Variants in SPAG16 observed in about 807,000 individuals in gnomAD.
SPAG16 encodes the protein sperm-associated antigen 16 protein.
In SPAG16, 86 loss-of-function variants were observed where a neutral mutation model predicts 80.4. The ratio of observed to expected loss-of-function variants is 1.07; its 90% CI spans 0.90 to 1.28. The LOEUF (loss-of-function observed/expected upper bound fraction) is 1.28, where lower values mean the gene tolerates loss of function less well. Ranked by LOEUF, SPAG16 falls within the 50% of genes most tolerant of loss-of-function variation. The pLI, the probability that SPAG16 is intolerant of heterozygous loss-of-function variation, is 0.00. For synonymous variants in SPAG16, 294 were observed against 265.9 expected (o/e 1.11, Z -1.03); for missense variants, 870 against 765.3 (o/e 1.14, Z -1.61).
rs754185665 is a variant in SPAG16, at chr2:214,039,160, CA to C, written c.1527+25084del. On this transcript the variant is annotated intron_variant, in intron 13 of 15. Transcript: ENST00000331683. The stretch of plus-strand genomic sequence containing the variant: ...TTGAACTAGTTTACAGTCCCACCAA[CA>C]GTGTAAAAGTGTTCCTATTTCTCCA... Among the ~76,000 whole-genome samples the C allele has an allele frequency of 1.8e-4, 28 of 152,288 alleles. No homozygotes were observed. In the East Asian group the frequency reaches 5.2e-3, roughly 28 times the overall value.
intron 5 of SPAG16, among the ~76,000 whole-genome samples, chr2:213,328,994 C>T (rs534257506): frequency 6.6e-6 from 1 of 152,252 alleles, no homozygotes; most frequent in South Asian, 2.1e-4. Flanking sequence ...TGCACAAGCT[C>T]TCCTTTTTTT....
intron 14 of SPAG16, among the ~76,000 whole-genome samples, chr2:214,127,017 T>C (rs553706135): frequency 6.6e-6 from 1 of 151,958 alleles, no homozygotes; most frequent in African/African-American, 2.4e-5. Context: ...AAATATTTTT[T>C]CCCACAAGGG....
chr2:213,952,760 C>T (rs1575635121), intron 12 of SPAG16, among the ~76,000 whole-genome samples: 1 of 151,964 alleles, frequency 6.6e-6, no homozygotes, highest in Admixed American at 6.6e-5. Context: ...TCGTAGATCC[C>T]CTTAAGGATA....
intron 13 of SPAG16, among the ~76,000 whole-genome samples, chr2:214,042,855 T>G (rs775999518): frequency 6.6e-6 from 1 of 152,186 alleles, no homozygotes; most frequent in Non-Finnish European, 1.5e-5. Flanking sequence ...GAAGTTTTGA[T>G]GAAATATAGC....
chr2:213,783,317 T>A (rs1281482655), intron 10 of SPAG16, among the ~76,000 whole-genome samples: 7 of 145,948 alleles, frequency 4.8e-5, no homozygotes, highest in African/African-American at 7.6e-5. Flanking sequence ...TAGAGTATAA[T>A]AAAAAAAAAA....
chr2:213,404,578 A>C (rs2068508593), intron 9 of SPAG16, among the ~76,000 whole-genome samples: 1 of 152,158 alleles, frequency 6.6e-6, no homozygotes, highest in South Asian at 2.1e-4. Context: ...TAAAGACTTA[A>C]ATGTTAGACC....
chr2:213,425,389 C>G (rs920984860), intron 9 of SPAG16, among the ~76,000 whole-genome samples: 3 of 151,912 alleles, frequency 2.0e-5, no homozygotes, highest in African/African-American at 7.3e-5. Flanking sequence ...GTGGCTCATG[C>G]CTGTAATCCC....
intron 10 of SPAG16, among the ~76,000 whole-genome samples, chr2:213,778,854 G>T (rs1365715271): frequency 2.6e-5 from 4 of 152,082 alleles, no homozygotes; most frequent in African/African-American, 9.7e-5. Flanking sequence ...TTCCATGTCT[G>T]CAGTGATTCT....
chr2:213,907,458 A>G (rs2077475533), intron 11 of SPAG16, among the ~76,000 whole-genome samples: 1 of 143,948 alleles, frequency 6.9e-6, no homozygotes, highest in South Asian at 2.5e-4. Context: ...ATTTTGGAAA[A>G]CAGCGTGGAG....
At position 213,728,876 on chromosome 2, in the gene SPAG16, C is replaced by CAAAAAAAAA; in HGVS notation, c.1071-133572_1071-133564dup. Among the ~76,000 whole-genome samples, 88 of 58,458 alleles carry CAAAAAAAAA rather than the reference C, an allele frequency of 1.5e-3. 5 individuals are homozygous for CAAAAAAAAA. Among genetic ancestry groups the CAAAAAAAAA allele is most frequent in the African/African-American group, 2.3e-3 (27 of 11,992 alleles). 38.4% of individuals were successfully genotyped at this position (58,458 alleles called of 152,430 possible). On this transcript the variant is annotated intron_variant, in intron 10 of 15. Transcript: ENST00000331683. ...TGGGCGACAGAGTGAGACTCCGTCT[C>CAAAAAAAAA]AAAAAAAAAAAAAAAAAAAAAAAAA...
At chr2:213,301,663 C>G (rs2062744883) in intron 3 of SPAG16, among the ~76,000 whole-genome samples, 1 of 152,140 alleles carries the variant, frequency 6.6e-6, no homozygotes, top group South Asian at 2.1e-4. Context: ...ATGCTTCCTT[C>G]TATTCCCACC....
intron 10 of SPAG16, among the ~76,000 whole-genome samples, chr2:213,851,401 G>C (rs886296411): frequency 6.6e-6 from 1 of 152,124 alleles, no homozygotes; most frequent in African/African-American, 2.4e-5. Context: ...TCAGCTACTT[G>C]AGAGTCCGAG....
chr2:214,311,167 G>A (rs372497749), intron 15 of SPAG16, among the ~76,000 whole-genome samples: 2 of 152,080 alleles, frequency 1.3e-5, no homozygotes, highest in East Asian at 1.9e-4. Context: ...CCTCTGTTCC[G>A]AGGAGCGCTT....
intron 8 of SPAG16, 27 bp from the exon 9 acceptor site, chr2:213,374,983 T>C: frequency 1.3e-6 from 2 of 1,507,128 alleles, no homozygotes; most frequent in Non-Finnish European, 1.8e-6. Context: ...AGTGCAAATA[T>C]TAAGAATAAA....
chr2:214,033,175 C>T (rs1227944091), intron 13 of SPAG16, among the ~76,000 whole-genome samples: 1 of 152,154 alleles, frequency 6.6e-6, no homozygotes, highest in African/African-American at 2.4e-5. Context: ...GTGACAACTG[C>T]AGCAAATGCA....
chr2:214,381,637 GA>G (rs1264038253), intron 15 of SPAG16, among the ~76,000 whole-genome samples: 1 of 152,206 alleles, frequency 6.6e-6, no homozygotes, highest in Non-Finnish European at 1.5e-5. Context: ...TTCTATGGGT[GA>G]AGCTCAGAGA....
At chr2:214,401,050 T>A (rs1183303883) in intron 15 of SPAG16, among the ~76,000 whole-genome samples, 1 of 152,040 alleles carries the variant, frequency 6.6e-6, no homozygotes, top group East Asian at 1.9e-4. Context: ...CAAGCAATAT[T>A]TTTTTCTGAA....
At chr2:214,372,357 G>T (rs1274926272) in intron 15 of SPAG16, among the ~76,000 whole-genome samples, 2 of 152,128 alleles carry the variant, frequency 1.3e-5, no homozygotes, top group Non-Finnish European at 2.9e-5. Context: ...TAAGAAACAA[G>T]TCTCTATCAT....
Position 213,653,550 on chromosome 2 carries a change from T to C in SPAG16, c.1070+163460T>C, listed in dbSNP as rs978457537. 1.1e-4 allele frequency among the ~76,000 whole-genome samples: 16 copies of C among 152,344 alleles called. No individual in the cohort carries two copies. The East Asian group carries it at 2.9e-3, about 28-fold the overall frequency. ...AGTTTATACAGGTCAATGCCTTTGC[T>C]ATGATTTTAAGGCTTAAGCAAAACC... On this transcript the variant is annotated intron_variant, in intron 10 of 15. Transcript: ENST00000331683.
Sources: gnomAD v4.1 joint callset for allele counts (sites outside exome capture counted in the v4.1 genomes callset) on GRCh38, gnomAD v4.1.1 for gene constraint, MANE v1.5 for transcripts, NCBI Gene and HGNC (gene_info 2026-07-23, HGNC 2026-07-21) for gene names.